SYNRG: variants seen among roughly 807,000 people sequenced by gnomAD.
SYNRG encodes the protein AP1 gamma subunit binding protein 1.
A neutral mutation model predicts 130.9 loss-of-function variants in SYNRG; 37 were observed. The ratio of observed to expected loss-of-function variants is 0.28; its 90% confidence interval spans 0.22 to 0.37. The LOEUF (loss-of-function observed/expected upper bound fraction) is 0.37, where lower values mean the gene tolerates loss of function less well. SYNRG is among the 10% of genes least tolerant of loss of function. SYNRG has a pLI of 1.00. For missense variants in SYNRG, 1,338 were observed against 1,588.9 expected (o/e 0.84, Z 2.68); for synonymous variants, 539 against 568.1 (o/e 0.95, Z 0.73).
chr17:37,544,646 G>A (rs1296516891), intron 14 of SYNRG, among the ~76,000 whole-genome samples: 2 of 152,024 alleles, frequency 1.3e-5, no homozygotes, highest in Non-Finnish European at 2.9e-5. Context: ...TAGAATGAAT[G>A]GAAAAGCCTT....
intron 4 of SYNRG, among the ~76,000 whole-genome samples, chr17:37,585,776 TG>T (rs913322222): frequency 1.4e-4 from 21 of 152,234 alleles, no homozygotes; most frequent in Middle Eastern, 3.4e-3. Context: ...AGAACCTGCT[TG>T]GGAAGGCAGT....
chr17:37,585,559 C>T, intron 4 of SYNRG, 129 bp from the exon 5 acceptor site: 1 of 629,390 alleles, frequency 1.6e-6, no homozygotes, highest in Non-Finnish European at 2.7e-6. Flanking sequence ...TGCTAAATAT[C>T]TAGTTTTCTT....
At chr17:37,520,461 A>T in intron 20 of SYNRG, 77 bp downstream of exon 20, 1 of 1,388,712 alleles carries the variant, frequency 7.2e-7, no homozygotes, top group Non-Finnish European at 1.0e-6. Flanking sequence ...ACTCTGCAGT[A>T]AAGTGGGCCA....
chr17:37,607,657 C>T (rs188039226), intron 1 of SYNRG, among the ~76,000 whole-genome samples: 12 of 152,198 alleles, frequency 7.9e-5, no homozygotes, highest in Admixed American at 1.3e-4. Context: ...GGCGTGGTGG[C>T]GCACGCCTGT....
chr17:37,572,135 T>A, intron 8 of SYNRG, 148 bp from the exon 9 acceptor site: 2 of 698,670 alleles, frequency 2.9e-6, no homozygotes, highest in Non-Finnish European at 4.7e-6. Context: ...GCTTTAAACA[T>A]ATTCAAGTGC....
At position 37,571,799 on chromosome 17, in the gene SYNRG, C is replaced by A; in HGVS notation, c.1090G>T (p.Val364Leu). ...ELYTVLAMIA[V>L]TQRGVPAMSP... ...TAAGAAACATTGTTTACCTGTGTTA[C>A]CGCTATCATGGCTAGAACGGTATAA... The change falls in exon 9 of 22, where the codon GTA becomes TTA. Residue 364 changes from valine to leucine, a missense_variant. Physicochemically the swap from Val to Leu is conservative, Grantham distance 32. Coordinates refer to ENST00000612223, the MANE Select transcript of SYNRG (RefSeq NM_007247.6). 6.2e-7 allele frequency: 1 copy of A among 1,608,168 alleles called. No homozygotes were observed. Among genetic ancestry groups the A allele is most frequent in the Non-Finnish European group, 8.5e-7 (1 of 1,177,986 alleles).
At chr17:37,520,436 C>A in intron 20 of SYNRG, 102 bp downstream of exon 20, 1 of 1,225,594 alleles carries the variant, frequency 8.2e-7, no homozygotes, top group East Asian at 2.4e-5. Context: ...AGAAAATCCC[C>A]ACCTCTGGTC....
At chr17:37,601,989 C>T (rs1290770551) in intron 1 of SYNRG, among the ~76,000 whole-genome samples, 1 of 151,842 alleles carries the variant, frequency 6.6e-6, no homozygotes, top group African/African-American at 2.4e-5. Flanking sequence ...AAGGTTAAGC[C>T]TGGGCGACAG....
Position 37,580,456 on chromosome 17 carries a change from T to C in SYNRG, c.590-2843A>G, listed in dbSNP as rs2061211163. On this transcript the variant is annotated intron_variant, in intron 6 of 21. Transcript: ENST00000612223. ...CTGGGACTACAGGTATGCACCGCCA[T>C]GCCCAGTTAATCTTTGTATTTCGTG... Among the ~76,000 whole-genome samples the C allele has an allele frequency of 2.0e-5, 3 of 148,990 alleles. No individual in the cohort carries two copies. The South Asian group carries it at 6.4e-4, about 32-fold the overall frequency.
intron 11 of SYNRG, among the ~76,000 whole-genome samples, chr17:37,565,798 C>T (rs1208596968): frequency 2.0e-5 from 3 of 151,624 alleles, no homozygotes; most frequent in African/African-American, 7.3e-5. Context: ...TGAGGAGCCC[C>T]TCCGCCCGGC....
chr17:37,569,071 T>C lies in SYNRG; in HGVS notation c.1348-147A>G, dbSNP rs989965347. On this transcript the variant is annotated intron_variant, in intron 10 of 21. Transcript: ENST00000612223. ...TGCTTACGGCAGGAATCCTGTTTTG[T>C]ATTTTTAAATACTCTCTGGTACAAA... 5.0e-6 allele frequency: 4 copies of C among 799,024 alleles called. No individual in the cohort carries two copies. In the Admixed American group the frequency reaches 8.8e-5, roughly 18 times the overall value. The allele number at this position is 799,024 out of a possible 1,614,324, so 49.5% of individuals were successfully genotyped here.
At chr17:37,561,310 G>A (rs1334831319) in intron 12 of SYNRG, 53 bp from the exon 13 acceptor site, 3 of 1,579,134 alleles carry the variant, frequency 1.9e-6, no homozygotes, top group African/African-American at 1.4e-5. Flanking sequence ...TGAAATCACA[G>A]CTCCAGGAAG....
Position 37,567,741 on chromosome 17 carries a change from A to G in SYNRG, c.1481+1050T>C, listed in dbSNP as rs549859338. ...GCAGCAAAGTGCTGACTAAGAGATA[A>G]TCAATTGGCTAAAGGGGAAGAGATG... On this transcript the variant is annotated intron_variant, in intron 11 of 21. Coordinates refer to ENST00000612223, the MANE Select transcript of SYNRG (RefSeq NM_007247.6). 3.9e-5 allele frequency: 6 copies of G among 152,338 alleles called. No homozygotes were observed. The East Asian group carries it at 1.2e-3, about 29-fold the overall frequency. The allele number at this position is 152,338 out of a possible 1,614,324, so 9.4% of individuals were successfully genotyped here. A position where few individuals can be genotyped will look rare whatever the true frequency, so the allele number is the denominator to read the frequency against.
At chr17:37,535,092 C>A (rs2144592176) in intron 19 of SYNRG, among the ~76,000 whole-genome samples, 1 of 152,152 alleles carries the variant, frequency 6.6e-6, no homozygotes, top group South Asian at 2.1e-4. Flanking sequence ...TAAACGTTTA[C>A]AAGCTTATAT....
chr17:37,576,016 C>G (rs2060807596), intron 8 of SYNRG, among the ~76,000 whole-genome samples: 1 of 151,026 alleles, frequency 6.6e-6, no homozygotes, highest in Non-Finnish European at 1.5e-5. Flanking sequence ...TGGTAAAATT[C>G]TTGATGTTAT....
chr17:37,594,605 G>A (rs764854345), intron 3 of SYNRG, among the ~76,000 whole-genome samples: 1 of 151,942 alleles, frequency 6.6e-6, no homozygotes, highest in African/African-American at 2.4e-5. Context: ...GGGATTACAG[G>A]CATGCACCAC....
chr17:37,579,413 G>A, intron 6 of SYNRG: 1 of 1,304,236 alleles, frequency 7.7e-7, no homozygotes, highest in Non-Finnish European at 1.0e-6. Flanking sequence ...AGTTTTAGTA[G>A]AATGAGATGA....
chr17:37,545,658 C>T (rs745665684), intron 14 of SYNRG, among the ~76,000 whole-genome samples: 7 of 152,148 alleles, frequency 4.6e-5, no homozygotes, highest in Admixed American at 2.6e-4. Flanking sequence ...AAAAATGATA[C>T]GCCTGTAACA....
At chr17:37,533,928 T>TTTC (rs2056924098) in intron 19 of SYNRG, among the ~76,000 whole-genome samples, 1 of 100,700 alleles carries the variant, frequency 9.9e-6, no homozygotes, top group African/African-American at 5.4e-5. Flanking sequence ...TTTCTTTTCT[T>TTTC]TTTTTTTTTT....
Sources: gnomAD v4.1 joint callset for allele counts (sites outside exome capture counted in the v4.1 genomes callset) on GRCh38, gnomAD v4.1.1 for gene constraint, MANE v1.5 for transcripts, NCBI Gene and HGNC (gene_info 2026-07-23, HGNC 2026-07-21) for gene names.